The following PI15 variants were observed in gnomAD, a reference collection of about 807,000 sequenced individuals.
PI15 encodes the protein peptidase inhibitor 15.
A neutral mutation model predicts 31.0 loss-of-function variants in PI15; 18 were observed. The ratio of observed to expected loss-of-function variants is 0.58; its 90% CI spans 0.40 to 0.86. The LOEUF (loss-of-function observed/expected upper bound fraction) is 0.86, where lower values mean the gene tolerates loss of function less well. Ranked by LOEUF, PI15 falls within the 40% of genes least tolerant of loss-of-function variation. The probability of loss-of-function intolerance (pLI) is 0.00; values close to 1 mark genes in which losing one functional copy is unlikely to be tolerated. For synonymous variants in PI15, 118 were observed against 119.1 expected (o/e 0.99, Z 0.06); for missense variants, 282 against 328.1 (o/e 0.86, Z 1.09).
At chr8:74,842,351 T>C (rs779584527) in intron 2 of PI15, among the ~76,000 whole-genome samples, 3 of 152,174 alleles carry the variant, frequency 2.0e-5, no homozygotes, top group Non-Finnish European at 4.4e-5. Flanking sequence ...TTCTAAAATA[T>C]GCTGCTAACC....
At chr8:74,825,643 T>C (rs1490608635) in intron 2 of PI15, 121 bp downstream of exon 2, 1 of 767,616 alleles carries the variant, frequency 1.3e-6, no homozygotes, top group Non-Finnish European at 2.0e-6. Context: ...TTTTTACATA[T>C]TTTAACCTAA....
rs1811077245 is a variant in PI15 at position 74,849,664 on chromosome 8, A to T, written c.*411A>T. ...ACAAACATATAATATGTGATGTAAC[A>T]TGTAGATGATAATATGATTCAGTAG... On this transcript the variant is annotated 3_prime_UTR_variant, in exon 6 of 6. Transcript: ENST00000260113. 1 of 153,228 alleles carries T rather than the reference A, an allele frequency of 6.5e-6. No individual in the cohort carries two copies. The highest frequency in any genetic ancestry group is 1.5e-5 in the Non-Finnish European group (1 of 68,826). The allele number at this position is 153,228 out of a possible 1,614,324, so 9.5% of individuals were successfully genotyped here.
At chr8:74,841,161 G>A (rs1379043605) in intron 2 of PI15, among the ~76,000 whole-genome samples, 3 of 151,436 alleles carry the variant, frequency 2.0e-5, no homozygotes, top group South Asian at 2.1e-4. Flanking sequence ...GTGATGTTTC[G>A]GTATACACAC....
intron 2 of PI15, among the ~76,000 whole-genome samples, chr8:74,837,629 C>A (rs1810890245): frequency 6.6e-6 from 1 of 151,832 alleles, no homozygotes; most frequent in Admixed American, 6.6e-5. Context: ...GGTTAGCACT[C>A]TTTTCTCAAT....
chr8:74,845,520 T>C, intron 5 of PI15, 23 bp downstream of exon 5: 2 of 1,425,568 alleles, frequency 1.4e-6, no homozygotes, highest in Non-Finnish European at 2.0e-6. Flanking sequence ...TTGGATTCTA[T>C]TTCCTGGATC....
rs1811092938 is a variant in PI15, at chr8:74,850,655, G to T, written c.*1402G>T. 1 of 152,066 alleles carries T rather than the reference G, an allele frequency of 6.6e-6. No individual in the cohort carries two copies. Among genetic ancestry groups the T allele is most frequent in the Non-Finnish European group, 1.5e-5 (1 of 67,990 alleles). The allele number at this position is 152,066 out of a possible 1,614,324, so 9.4% of individuals were successfully genotyped here. A position where few individuals can be genotyped will look rare whatever the true frequency, so the allele number is the denominator to read the frequency against. ...AGGGCTAGTTACCAACTTTATTTCT[G>T]TGTTTCTGTAGAAGAAACATTTTCA... On this transcript the variant is annotated 3_prime_UTR_variant, in exon 6 of 6. Coordinates refer to ENST00000260113, the MANE Select transcript of PI15 (RefSeq NM_015886.5).
intron 5 of PI15, among the ~76,000 whole-genome samples, 165 bp downstream of exon 5, chr8:74,845,662 G>T (rs1019399796): frequency 6.6e-6 from 1 of 152,116 alleles, no homozygotes; most frequent in South Asian, 2.1e-4. Context: ...TTAGCTGAAA[G>T]GTTACTTCTC....
rs140007341 is a variant in PI15 at position 74,839,327 on chromosome 8, A to G, written c.274-4654A>G. Among the ~76,000 whole-genome samples, 313 of 152,310 alleles carry G rather than the reference A, an allele frequency of 2.1e-3. 3 individuals carry two copies. The highest frequency in any genetic ancestry group is 6.6e-3 in the African/African-American group (275 of 41,582). On this transcript the variant is annotated intron_variant, in intron 2 of 5. Transcript: ENST00000260113. ...CCAGAGCTAAATCAACCAATTTATG[A>G]GCTGACCAACTGAATGGCTCTTAAT...
chr8:74,843,858 A>C, intron 2 of PI15, 123 bp from the exon 3 acceptor site: 1 of 713,546 alleles, frequency 1.4e-6, no homozygotes, highest in Non-Finnish European at 2.5e-6. Context: ...CAGAAAAAAC[A>C]AAAACAAAAA....
At chr8:74,829,483 C>T (rs1188653475) in intron 2 of PI15, among the ~76,000 whole-genome samples, 2 of 152,020 alleles carry the variant, frequency 1.3e-5, no homozygotes, top group African/African-American at 2.4e-5. Context: ...TAAGAATTAT[C>T]TCCAAAAGAA....
At chr8:74,845,045 G>A (rs1380386223) in intron 3 of PI15, 83 bp from the exon 4 acceptor site, 3 of 1,187,714 alleles carry the variant, frequency 2.5e-6, no homozygotes, top group Non-Finnish European at 3.7e-6. Flanking sequence ...TCTGCAAAAA[G>A]AACAATCAAT....
chr8:74,825,859 C>T (rs1182538747), intron 2 of PI15, among the ~76,000 whole-genome samples: 1 of 151,974 alleles, frequency 6.6e-6, no homozygotes, highest in Non-Finnish European at 1.5e-5. Flanking sequence ...GGAAGGTCCA[C>T]TTTAAAAAAA....
chr8:74,852,624 CG>C lies in PI15; in HGVS notation c.*3372del, dbSNP rs1811124107. The stretch of plus-strand genomic sequence containing the variant: ...TAGCACAGAGTTGACCAAACACTGG[CG>C]TAAGTTCAATTTACACAGAATATTT... On this transcript the variant is annotated 3_prime_UTR_variant, in exon 6 of 6. Coordinates refer to ENST00000260113, the MANE Select transcript of PI15 (RefSeq NM_015886.5). 6.6e-6 allele frequency: 1 copy of C among 151,946 alleles called. No individual in the cohort carries two copies. Among genetic ancestry groups the C allele is most frequent in the Non-Finnish European group, 1.5e-5 (1 of 67,952 alleles). 9.4% of individuals were successfully genotyped at this position (151,946 alleles called of 1,614,324 possible).
chr8:74,846,448 G>A (rs1283400050), intron 5 of PI15, among the ~76,000 whole-genome samples: 2 of 152,058 alleles, frequency 1.3e-5, no homozygotes, highest in Admixed American at 1.3e-4. Context: ...TTTACACATT[G>A]CATTTTCCTA....
At chr8:74,838,972 T>C (rs919158374) in intron 2 of PI15, among the ~76,000 whole-genome samples, 15 of 152,220 alleles carry the variant, frequency 9.9e-5, no homozygotes, top group African/African-American at 3.4e-4. Flanking sequence ...CATATCTGGT[T>C]TGGATCAGTA....
chr8:74,826,285 C>A, intron 2 of PI15: 1 of 975,756 alleles, frequency 1.0e-6, no homozygotes, highest in Non-Finnish European at 1.2e-6. Context: ...ATTTAAAGTC[C>A]AGCGTCTTAC....
chr8:74,849,128 A>C lies in PI15; in HGVS notation c.652A>C (p.Ile218Leu), dbSNP rs779915149. Reference protein sequence around the residue: ...VCNYAPKGNWIGEAPYKVGVP... With the variant: ...VCNYAPKGNWLGEAPYKVGVP... ...TGTTTTCCCTTCTAGGGGCAATTGG[A>C]TTGGAGAAGCACCATATAAAGTAGG... The change falls in exon 6 of 6, where the codon ATT becomes CTT. Residue 218 changes from isoleucine to leucine, a missense_variant. Coordinates refer to ENST00000260113, the MANE Select transcript of PI15 (RefSeq NM_015886.5). 1.2e-6 allele frequency: 2 copies of C among 1,611,564 alleles called. No individual in the cohort carries two copies. The highest frequency in any genetic ancestry group is 1.7e-6 in the Non-Finnish European group (2 of 1,179,040).
At chr8:74,836,072 G>A (rs1300232013) in intron 2 of PI15, among the ~76,000 whole-genome samples, 3 of 152,140 alleles carry the variant, frequency 2.0e-5, no homozygotes, top group Non-Finnish European at 4.4e-5. Flanking sequence ...AGCAGATATA[G>A]ACTATAAAAA....
chr8:74,844,427 CTGTGTGTG>C (rs57644375), intron 3 of PI15, among the ~76,000 whole-genome samples: 3,406 of 141,750 alleles, frequency 0.024, 42 homozygotes, highest in African/African-American at 0.042. Flanking sequence ...TGTGCAGAGG[CTGTGTGTG>C]TGTGTGTGTG....
Sources: allele counts gnomAD v4.1 joint callset (sites outside exome capture counted in the v4.1 genomes callset), GRCh38; gene constraint gnomAD v4.1.1; transcripts MANE v1.5; gene names NCBI Gene and HGNC (gene_info 2026-07-23, HGNC 2026-07-21).